The following KIAA0513 variants were observed in gnomAD, a reference collection of about 807,000 sequenced individuals.
KIAA0513 encodes the protein KIAA0513.
KIAA0513 carries 39 observed loss-of-function variants against 56.5 expected under a neutral mutation model. That is an observed-to-expected ratio of 0.69 (90% CI 0.53 to 0.90). The LOEUF (loss-of-function observed/expected upper bound fraction) is 0.90, where lower values mean the gene tolerates loss of function less well. Among genes scored for constraint, KIAA0513 ranks in the 40% least tolerant of loss-of-function variants. The pLI, the probability that KIAA0513 is intolerant of heterozygous loss-of-function variation, is 0.00. For missense variants in KIAA0513, 591 were observed against 535.2 expected (o/e 1.10, Z -1.03); for synonymous variants, 268 against 215.6 (o/e 1.24, Z -2.13).
intron 1 of KIAA0513, among the ~76,000 whole-genome samples, chr16:85,034,430 G>T (rs1042030324): frequency 6.6e-6 from 1 of 152,180 alleles, no homozygotes; most frequent in Non-Finnish European, 1.5e-5. Flanking sequence ...TCCTGCCAAG[G>T]AGTTTATCTG....
intron 2 of KIAA0513, among the ~76,000 whole-genome samples, chr16:85,069,605 C>T (rs930122073): frequency 2.2e-4 from 34 of 152,036 alleles, no homozygotes; most frequent in Non-Finnish European, 8.8e-5. Context: ...CGCACACACA[C>T]CCCGGAGCCA....
At chr16:85,042,784 C>T (rs1348384311) in intron 1 of KIAA0513, among the ~76,000 whole-genome samples, 2 of 152,184 alleles carry the variant, frequency 1.3e-5, no homozygotes, top group Non-Finnish European at 2.9e-5. Flanking sequence ...ACAGAGGCAG[C>T]AGCAGGCAGC....
intron 1 of KIAA0513, among the ~76,000 whole-genome samples, chr16:85,039,343 C>T (rs570885627): frequency 4.6e-5 from 7 of 152,216 alleles, no homozygotes; most frequent in Non-Finnish European, 1.0e-4. Context: ...CACTCTGTTG[C>T]CCAGGCTGGA....
intron 5 of KIAA0513, among the ~76,000 whole-genome samples, chr16:85,077,124 G>A (rs988974350): frequency 6.6e-6 from 1 of 152,094 alleles, no homozygotes; most frequent in South Asian, 2.1e-4. Flanking sequence ...CTCTGCCCTC[G>A]CCTGCCTGCA....
At chr16:85,045,178 G>C (rs1203373989) in intron 1 of KIAA0513, among the ~76,000 whole-genome samples, 1 of 152,126 alleles carries the variant, frequency 6.6e-6, no homozygotes, top group African/African-American at 2.4e-5. Flanking sequence ...TCATGTCAAT[G>C]GTCTGTAGCA....
chr16:85,071,457 A>G (rs972204879), intron 2 of KIAA0513, among the ~76,000 whole-genome samples: 1 of 152,198 alleles, frequency 6.6e-6, no homozygotes, highest in Non-Finnish European at 1.5e-5. Flanking sequence ...TCGTGCCCTT[A>G]TCCAGGCTCA....
intron 1 of KIAA0513, among the ~76,000 whole-genome samples, chr16:85,055,600 C>T (rs1337057216): frequency 6.6e-6 from 1 of 152,180 alleles, no homozygotes; most frequent in Non-Finnish European, 1.5e-5. Flanking sequence ...TGACCTCAGC[C>T]CTCACCACTT....
At chr16:85,086,128 G>A (rs937498666) in intron 10 of KIAA0513, among the ~76,000 whole-genome samples, 3 of 152,200 alleles carry the variant, frequency 2.0e-5, no homozygotes, top group African/African-American at 4.8e-5. Flanking sequence ...GCTGCCATCC[G>A]CAGCTGGCCC....
At position 85,081,581 on chromosome 16, in the gene KIAA0513, G is replaced by T. The variant is rs2073744765; in HGVS notation, c.980+189G>T. Among the ~76,000 whole-genome samples, 1 of 152,144 alleles carries T rather than the reference G, an allele frequency of 6.6e-6. No homozygotes were observed. The highest frequency in any genetic ancestry group is 2.4e-5 in the African/African-American group (1 of 41,422). On this transcript the variant is annotated intron_variant, in intron 9 of 12. Coordinates refer to ENST00000683363, the MANE Select transcript of KIAA0513 (RefSeq NM_001388359.1). The surrounding 1 kb of genome is among the most constrained non-coding windows in gnomAD (Gnocchi z 4.4). Reference sequence around the variant, plus strand: ...ACAGCTTCATGGGTGGGGGTGCTCAGCTTGCATGAGCGCTTTCTGTCCTGG... The same window carrying T: ...ACAGCTTCATGGGTGGGGGTGCTCATCTTGCATGAGCGCTTTCTGTCCTGG...
At chr16:85,048,288 C>T (rs1226051791) in intron 1 of KIAA0513, among the ~76,000 whole-genome samples, 5 of 152,128 alleles carry the variant, frequency 3.3e-5, no homozygotes, top group Non-Finnish European at 7.3e-5. Context: ...AAGGCTTCGA[C>T]CGTCAGCACG....
At chr16:85,078,861 C>G (rs547803502) in intron 7 of KIAA0513, 64 bp from the exon 8 acceptor site, 1 of 1,557,600 alleles carries the variant, frequency 6.4e-7, no homozygotes, top group East Asian at 2.2e-5. Flanking sequence ...GGCTGTCACC[C>G]GGGGTTTGCC....
chr16:85,060,885 G>T (rs2073394803), intron 1 of KIAA0513, among the ~76,000 whole-genome samples: 2 of 151,358 alleles, frequency 1.3e-5, no homozygotes, highest in South Asian at 4.2e-4. Flanking sequence ...TGGGCCCAGT[G>T]GCTCACACCT....
At chr16:85,072,697 G>A (rs751485805) in intron 3 of KIAA0513, among the ~76,000 whole-genome samples, 6 of 152,186 alleles carry the variant, frequency 3.9e-5, no homozygotes, top group Non-Finnish European at 7.3e-5. Flanking sequence ...GAAGGACACC[G>A]AGGGGAACCC....
chr16:85,053,471 T>TTA (rs1369982952), intron 1 of KIAA0513, among the ~76,000 whole-genome samples: 6 of 152,192 alleles, frequency 3.9e-5, no homozygotes, highest in African/African-American at 1.4e-4. Context: ...ATCTGAATAA[T>TTA]TAATAGGGTG....
At position 85,089,631 on chromosome 16, in the gene KIAA0513, G is replaced by C. The variant is rs533021441; in HGVS notation, c.*1306G>C. The stretch of plus-strand genomic sequence containing the variant: ...TGGTCCCTGACTGCGAAATAGGCCC[G>C]CGGGGCTCTCCCTCCTCCTGCCATC... On this transcript the variant is annotated 3_prime_UTR_variant, in exon 13 of 13. Transcript: ENST00000683363. The surrounding 1 kb of genome is among the most constrained non-coding windows in gnomAD (Gnocchi z 4.2). The C allele has an allele frequency of 2.0e-5, 3 of 152,754 alleles. No homozygotes were observed. The highest frequency in any genetic ancestry group is 1.9e-4 in the East Asian group (1 of 5,176). The allele number at this position is 152,754 out of a possible 1,614,324, so 9.5% of individuals were successfully genotyped here.
rs1019960005 is a variant in KIAA0513 at position 85,081,031 on chromosome 16, G to A, written c.903-284G>A. On this transcript the variant is annotated intron_variant, in intron 8 of 12. Coordinates refer to ENST00000683363, the MANE Select transcript of KIAA0513 (RefSeq NM_001388359.1). This position sits in a 1 kb window ranked among gnomAD's most constrained non-coding sequence, Gnocchi z 4.4. ...ACAGATGGTGGCTTCAACTTTGCCCGCCAGTGCCCTCCTGCCTGCAGCGCA... is the reference window on the plus strand; with the variant it reads ...ACAGATGGTGGCTTCAACTTTGCCCACCAGTGCCCTCCTGCCTGCAGCGCA... Among the ~76,000 whole-genome samples, 3 of 152,164 alleles carry A rather than the reference G, an allele frequency of 2.0e-5. No individual in the cohort carries two copies. Among genetic ancestry groups the A allele is most frequent in the African/African-American group, 7.2e-5 (3 of 41,426 alleles).
chr16:85,074,079 A>G (rs933275262), intron 4 of KIAA0513, among the ~76,000 whole-genome samples: 2 of 151,822 alleles, frequency 1.3e-5, no homozygotes, highest in African/African-American at 2.4e-5. Flanking sequence ...GTTTCAAGCA[A>G]TTCTCCTGCC....
At chr16:85,048,517 C>T (rs893038625) in intron 1 of KIAA0513, among the ~76,000 whole-genome samples, 2 of 137,664 alleles carry the variant, frequency 1.5e-5, no homozygotes, top group African/African-American at 3.0e-5. Flanking sequence ...CTCTCACTCT[C>T]ACCCTCTCCC....
At chr16:85,038,119 C>G (rs1484230072) in intron 1 of KIAA0513, among the ~76,000 whole-genome samples, 2 of 152,224 alleles carry the variant, frequency 1.3e-5, no homozygotes, top group Admixed American at 1.3e-4. Flanking sequence ...CCCTCCCACC[C>G]TCAGCTCCTT....
Sources: allele counts gnomAD v4.1 joint callset (sites outside exome capture counted in the v4.1 genomes callset), GRCh38; gene constraint gnomAD v4.1.1; non-coding constraint Gnocchi (gnomAD v3.1); transcripts MANE v1.5; gene names NCBI Gene and HGNC (gene_info 2026-07-23, HGNC 2026-07-21).